The following ANO2 variants were observed in gnomAD, a reference collection of about 807,000 sequenced individuals.
ANO2 encodes the protein anoctamin-2.
Under a neutral mutation model 124.2 loss-of-function variants are expected in ANO2, and 101 were observed. The observed-to-expected ratio is 0.81, with a 90% CI of 0.69 to 0.96. The LOEUF (loss-of-function observed/expected upper bound fraction) is 0.96. Among genes scored for constraint, ANO2 ranks in the 40% least tolerant of loss-of-function variants. The pLI is 0.00. For synonymous variants in ANO2, 486 were observed against 482.5 expected (o/e 1.01, Z -0.09); for missense variants, 1,293 against 1,274.5 (o/e 1.01, Z -0.22).
rs188782657 is a variant in ANO2 at position 5,615,045 on chromosome 12, T to C, written c.1928+141A>G. ...ATTGCCTGCTAACATTCCTTCTCCA[T>C]GGGAAGGCAGGTGAAAGTGGGGCGG... is the stretch of plus-strand genomic sequence containing the variant. On this transcript the variant is annotated intron_variant, in intron 17 of 24. Transcript: ENST00000682330. The C allele has an allele frequency of 4.6e-4, 270 of 590,382 alleles. No individual in the cohort carries two copies. The East Asian group carries it at 7.2e-3, about 16-fold the overall frequency. 36.6% of individuals were successfully genotyped at this position (590,382 alleles called of 1,614,324 possible). A position where few individuals can be genotyped will look rare whatever the true frequency, so the allele number is the denominator to read the frequency against.
intron 20 of ANO2, among the ~76,000 whole-genome samples, chr12:5,597,051 G>T (rs1296038648): frequency 1.3e-5 from 2 of 152,100 alleles, no homozygotes; most frequent in Admixed American, 6.5e-5. Context: ...CAGGAAGTAT[G>T]GTTCAAGGGT....
chr12:5,886,901 A>G (rs1354385584), intron 3 of ANO2, among the ~76,000 whole-genome samples: 3 of 152,194 alleles, frequency 2.0e-5, no homozygotes, highest in Admixed American at 2.0e-4. Context: ...ACAGAGACAG[A>G]AAGTATAATG....
intron 22 of ANO2, among the ~76,000 whole-genome samples, chr12:5,577,745 T>G (rs1030296481): frequency 1.6e-4 from 25 of 152,242 alleles, no homozygotes; most frequent in African/African-American, 5.5e-4. Flanking sequence ...TTTCTTTCTC[T>G]TTGTGAAATT....
intron 1 of ANO2, among the ~76,000 whole-genome samples, chr12:5,941,233 T>C (rs1188725749): frequency 1.3e-5 from 2 of 152,194 alleles, no homozygotes; most frequent in Non-Finnish European, 2.9e-5. Flanking sequence ...TGGACACCTT[T>C]AAAGGGTACA....
intron 3 of ANO2, among the ~76,000 whole-genome samples, chr12:5,892,586 A>G (rs1260374421): frequency 6.6e-6 from 1 of 152,224 alleles, no homozygotes; most frequent in African/African-American, 2.4e-5. Flanking sequence ...ATGACCACAG[A>G]TTTCTCATGA....
chr12:5,711,145 G>T lies in ANO2; in HGVS notation c.1545+21375C>A, dbSNP rs1053417052. Among the ~76,000 whole-genome samples, 10 of 148,340 alleles carry T rather than the reference G, an allele frequency of 6.7e-5. No individual in the cohort carries two copies. In the East Asian group the frequency reaches 2.0e-3, roughly 30 times the overall value. ...TGTACTCCAGCCTGGGCGACAGAGC[G>T]AGACTCTGTCTCAAAAAAAAAAAAA... is the stretch of plus-strand genomic sequence containing the variant. On this transcript the variant is annotated intron_variant, in intron 14 of 24. Transcript: ENST00000682330.
intron 14 of ANO2, among the ~76,000 whole-genome samples, chr12:5,716,711 C>T (rs1950038747): frequency 6.6e-6 from 1 of 152,160 alleles, no homozygotes; most frequent in Non-Finnish European, 1.5e-5. Flanking sequence ...TGTCAAATGT[C>T]TACAGGCAAC....
chr12:5,818,043 G>A (rs1055866134), intron 7 of ANO2, among the ~76,000 whole-genome samples: 1 of 152,180 alleles, frequency 6.6e-6, no homozygotes, highest in African/African-American at 2.4e-5. Context: ...GCAGGAAGTT[G>A]TGGAAGATGA....
intron 10 of ANO2, among the ~76,000 whole-genome samples, chr12:5,793,755 C>T (rs1050968067): frequency 1.3e-5 from 2 of 152,170 alleles, no homozygotes; most frequent in African/African-American, 4.8e-5. Context: ...GGCTAGGAGG[C>T]CACCCTCAGA....
At chr12:5,717,412 G>A (rs1253942437) in intron 14 of ANO2, among the ~76,000 whole-genome samples, 2 of 152,200 alleles carry the variant, frequency 1.3e-5, no homozygotes, top group Non-Finnish European at 2.9e-5. Context: ...AGACCCCAAG[G>A]GAGTTGGTTT....
At chr12:5,671,229 G>A (rs1947985953) in intron 14 of ANO2, among the ~76,000 whole-genome samples, 1 of 151,966 alleles carries the variant, frequency 6.6e-6, no homozygotes, top group Admixed American at 6.6e-5. Flanking sequence ...GTTCCTCAAA[G>A]TCACTATCAT....
intron 10 of ANO2, among the ~76,000 whole-genome samples, chr12:5,755,455 TGCA>T (rs1285161194): frequency 1.3e-5 from 2 of 151,996 alleles, no homozygotes; most frequent in East Asian, 3.8e-4. Flanking sequence ...GTGCACAACG[TGCA>T]GGTTTGTTAC....
At chr12:5,870,862 G>T (rs1184598636) in intron 3 of ANO2, among the ~76,000 whole-genome samples, 1 of 152,212 alleles carries the variant, frequency 6.6e-6, no homozygotes, top group African/African-American at 2.4e-5. Flanking sequence ...AGTGGCGCAG[G>T]TCATGCACTG....
intron 12 of ANO2, among the ~76,000 whole-genome samples, chr12:5,741,779 T>A (rs1036626005): frequency 6.6e-6 from 1 of 152,098 alleles, no homozygotes; most frequent in African/African-American, 2.4e-5. Context: ...TTTCGCTCAA[T>A]TTACAGATGA....
chr12:5,846,621 C>T (rs1306845573), intron 4 of ANO2, among the ~76,000 whole-genome samples: 1 of 152,218 alleles, frequency 6.6e-6, no homozygotes, highest in Non-Finnish European at 1.5e-5. Flanking sequence ...TGGGGCTGCA[C>T]TCCCTCTGAA....
chr12:5,832,834 GA>G (rs1302513398), intron 4 of ANO2, among the ~76,000 whole-genome samples: 1 of 152,144 alleles, frequency 6.6e-6, no homozygotes, highest in Admixed American at 6.5e-5. Flanking sequence ...GCAGTGTAGA[GA>G]AATAAGTGAG....
chr12:5,742,671 C>G (rs867805270), intron 12 of ANO2, among the ~76,000 whole-genome samples: 19 of 152,198 alleles, frequency 1.2e-4, no homozygotes, highest in African/African-American at 3.9e-4. Context: ...AGTTATTAGG[C>G]TTCAGCAACT....
At chr12:5,868,363 C>G (rs1371455301) in intron 3 of ANO2, among the ~76,000 whole-genome samples, 1 of 152,080 alleles carries the variant, frequency 6.6e-6, no homozygotes, top group East Asian at 1.9e-4. Context: ...GCCACTTACT[C>G]CCTGTGTGAC....
chr12:5,914,698 A>G (rs1362221996), intron 3 of ANO2, among the ~76,000 whole-genome samples: 1 of 152,106 alleles, frequency 6.6e-6, no homozygotes, highest in Non-Finnish European at 1.5e-5. Flanking sequence ...GCCATTCTCC[A>G]TTTCCAATTT....
Sources: gnomAD v4.1 joint callset for allele counts (sites outside exome capture counted in the v4.1 genomes callset) on GRCh38, gnomAD v4.1.1 for gene constraint, MANE v1.5 for transcripts, NCBI Gene and HGNC (gene_info 2026-07-23, HGNC 2026-07-21) for gene names.